NUP214: variants seen among roughly 807,000 people sequenced by gnomAD.
NUP214 encodes nucleoporin 214.
In NUP214, 79 loss-of-function variants were observed where a neutral mutation model predicts 196.2. The observed-to-expected ratio is 0.40, with a 90% CI of 0.34 to 0.49. NUP214 has a LOEUF of 0.49. NUP214 is among the 20% of genes least tolerant of loss of function. The pLI, the probability that NUP214 is intolerant of heterozygous loss-of-function variation, is 0.58. For synonymous variants in NUP214, 1,020 were observed against 990.5 expected (o/e 1.03, Z -0.56); for missense variants, 2,468 against 2,539.0 (o/e 0.97, Z 0.60).
At chr9:131,215,714 G>A (rs555682602) in intron 31 of NUP214, among the ~76,000 whole-genome samples, 45 of 152,196 alleles carry the variant, frequency 3.0e-4, no homozygotes, top group African/African-American at 1.1e-3. Flanking sequence ...AGCAGAGCAA[G>A]CCGAGGATGC....
intron 21 of NUP214, chr9:131,167,424 A>G (rs1243824617): frequency 6.6e-6 from 1 of 152,214 alleles, no homozygotes; most frequent in Non-Finnish European, 1.5e-5. Flanking sequence ...TATAGCTATT[A>G]CAGAAAAGGT....
chr9:131,195,717 A>C (rs1833754426), intron 28 of NUP214: 1 of 164,668 alleles, frequency 6.1e-6, no homozygotes, highest in Admixed American at 6.4e-5. Context: ...CACTCATCCC[A>C]TGCATGTTGT....
intron 17 of NUP214, among the ~76,000 whole-genome samples, chr9:131,155,035 G>C (rs866074307): frequency 6.6e-6 from 1 of 152,188 alleles, no homozygotes; most frequent in Non-Finnish European, 1.5e-5. Context: ...GGATCAAATG[G>C]TAGGTACTTT....
At chr9:131,189,830 G>C (rs1833550061) in intron 26 of NUP214, 1 of 152,482 alleles carries the variant, frequency 6.6e-6, no homozygotes, top group Non-Finnish European at 1.5e-5. Flanking sequence ...AATTTGGCGT[G>C]TATTACTTCC....
intron 31 of NUP214, among the ~76,000 whole-genome samples, chr9:131,217,168 C>T (rs3808808): frequency 1.3e-5 from 2 of 152,190 alleles, no homozygotes; most frequent in Non-Finnish European, 2.9e-5. Flanking sequence ...GGCAACACAG[C>T]AAGTCCCCAT....
intron 29 of NUP214, among the ~76,000 whole-genome samples, chr9:131,200,762 C>G (rs1833918579): frequency 6.6e-6 from 1 of 151,418 alleles, no homozygotes; most frequent in African/African-American, 2.4e-5. Context: ...CACTCCTTGT[C>G]TGGAGCTCTT....
At chr9:131,162,377 GA>G in intron 18 of NUP214, among the ~76,000 whole-genome samples, 1 of 152,136 alleles carries the variant, frequency 6.6e-6, no homozygotes, top group Non-Finnish European at 1.5e-5. Context: ...AATGCAGTCA[GA>G]AAAAAATTTC....
rs1021262444 is a variant in NUP214, at chr9:131,159,389, C to A, written c.2443C>A (p.Arg815=). The stretch of plus-strand genomic sequence containing the variant: ...TTTAATTTTTTTCTTATAGGAAATT[C>A]GGCGCCTTCATCAGTATGTGAAATT... ...PKSEAQLQEI[R]RLHQYVKFAV... The change falls in exon 18 of 36, where the codon CGG becomes AGG. Residue 815 remains arginine, a synonymous_variant. Coordinates refer to ENST00000359428, the MANE Select transcript of NUP214 (RefSeq NM_005085.4). The A allele has an allele frequency of 4.3e-6, 7 of 1,611,654 alleles. No homozygotes were observed. The South Asian group carries it at 7.7e-5, about 18-fold the overall frequency.
rs980969248 is a variant in NUP214 at position 131,232,014 on chromosome 9, C to T, written c.6215-270C>T. On this transcript the variant is annotated intron_variant, in intron 34 of 35. Coordinates refer to ENST00000359428, the MANE Select transcript of NUP214 (RefSeq NM_005085.4). This position sits in a 1 kb window ranked among gnomAD's most constrained non-coding sequence, Gnocchi z 5.1. ...GAGACCCTCTGCCTACAGCTGGGGC[C>T]GAGGAGGGAGGAAGAACCCTAAAAT... Among the ~76,000 whole-genome samples, 22 of 151,742 alleles carry T rather than the reference C, an allele frequency of 1.4e-4. No homozygotes were observed. The highest frequency in any genetic ancestry group is 5.1e-4 in the African/African-American group (21 of 41,276).
At position 131,140,598 on chromosome 9, in the gene NUP214, A is replaced by T. The variant is rs375220947; in HGVS notation, c.1182A>T (p.Thr394=). The T allele has an allele frequency of 2.5e-6, 4 of 1,613,838 alleles. No homozygotes were observed. The highest frequency in any genetic ancestry group is 3.4e-6 in the Non-Finnish European group (4 of 1,179,892). ...PPAPVLMLLS[T]DGVLCPFYMI... Reference sequence around the variant, plus strand: ...CTCCAGTTCTCATGTTACTTTCAACAGATGGTGTGCTTTGTCCATTTTATA... The same window carrying T: ...CTCCAGTTCTCATGTTACTTTCAACTGATGGTGTGCTTTGTCCATTTTATA... Residue 394 remains threonine (T), a synonymous_variant, in exon 11 of 36, where the codon ACA becomes ACT. Coordinates refer to ENST00000359428, the MANE Select transcript of NUP214 (RefSeq NM_005085.4).
chr9:131,215,536 GT>G (rs1217412901), intron 31 of NUP214, among the ~76,000 whole-genome samples, 168 bp downstream of exon 31: 1 of 151,862 alleles, frequency 6.6e-6, no homozygotes, highest in Non-Finnish European at 1.5e-5. Flanking sequence ...TTTATTTTTG[GT>G]TTTTTAATGA....
intron 21 of NUP214, among the ~76,000 whole-genome samples, chr9:131,173,273 G>T (rs1833008058): frequency 6.6e-6 from 1 of 151,304 alleles, no homozygotes; most frequent in African/African-American, 2.4e-5. Context: ...TGCCAGGCTG[G>T]TCTTGAACTC....
Position 131,198,281 on chromosome 9 carries a change from T to C in NUP214, c.4787T>C (p.Val1596Ala). ...SSFSVPGQTA[V>A]TAAAISSAGP... The stretch of plus-strand genomic sequence containing the variant: ...TTTTCTGTGCCTGGGCAGACTGCTG[T>C]CACAGCAGCTGCTATCTCAAGTGCA... The change falls in exon 29 of 36, where the codon GTC becomes GCC. Residue 1596 changes from valine (V) to alanine (A), a missense_variant. Val to Ala is a moderately conservative substitution (Grantham distance 64, BLOSUM62 0). Around this residue, in one of 5 missense-constraint regions of NUP214, gnomAD observed 1,801 missense variants for 1,779.4 expected, o/e 1.01. Transcript: ENST00000359428. The C allele has an allele frequency of 6.2e-7, 1 of 1,614,206 alleles. No individual in the cohort carries two copies. Among genetic ancestry groups the C allele is most frequent in the Non-Finnish European group, 8.5e-7 (1 of 1,180,044 alleles).
chr9:131,125,844 T>C lies in NUP214; in HGVS notation c.45+95T>C. ...GAAGCGCGGTGCTGGCTGTCCCGCCTCCTGCTTGAACAGTTTACCGCGTTC... is the reference window on the plus strand; with the variant it reads ...GAAGCGCGGTGCTGGCTGTCCCGCCCCCTGCTTGAACAGTTTACCGCGTTC... On this transcript the variant is annotated intron_variant, in intron 1 of 35. Coordinates refer to ENST00000359428, the MANE Select transcript of NUP214 (RefSeq NM_005085.4). This position sits in a 1 kb window ranked among gnomAD's most constrained non-coding sequence, Gnocchi z 4.1. The C allele has an allele frequency of 7.0e-7, 1 of 1,423,624 alleles. No individual in the cohort carries two copies. The highest frequency in any genetic ancestry group is 9.7e-7 in the Non-Finnish European group (1 of 1,035,904). 88.2% of individuals were successfully genotyped at this position (1,423,624 alleles called of 1,614,324 possible).
chr9:131,129,160 T>A (rs1257509629), intron 3 of NUP214, 119 bp from the exon 4 acceptor site: 2 of 826,756 alleles, frequency 2.4e-6, no homozygotes, highest in Non-Finnish European at 3.8e-6. Context: ...TTTATGGTTA[T>A]GGAGAAAAAT....
chr9:131,128,347 G>C lies in NUP214; in HGVS notation c.257G>C (p.Gly86Ala). The C allele has an allele frequency of 1.2e-6, 2 of 1,612,174 alleles. No homozygotes were observed. Among genetic ancestry groups the C allele is most frequent in the Non-Finnish European group, 1.7e-6 (2 of 1,178,916 alleles). ...GTTTTCATAGTTGATAAAGTCCAAG[G>C]CTTGCTAGTTCCTATGAAATTCCCA... ...DPNKIVDKVQ[G>A]LLVPMKFPIH... Residue 86 changes from glycine to alanine, a missense_variant, in exon 3 of 36, where the codon GGC becomes GCC. Around this residue, in one of 5 missense-constraint regions of NUP214, gnomAD observed 392 missense variants for 417.9 expected, o/e 0.94. Transcript: ENST00000359428.
At chr9:131,159,933 T>C (rs1832580938) in intron 18 of NUP214, among the ~76,000 whole-genome samples, 1 of 151,944 alleles carries the variant, frequency 6.6e-6, no homozygotes, top group Admixed American at 6.6e-5. Flanking sequence ...ACTTGAAATA[T>C]TTTTCTATAG....
chr9:131,204,612 A>G (rs1834029862), intron 30 of NUP214, among the ~76,000 whole-genome samples: 2 of 152,214 alleles, frequency 1.3e-5, no homozygotes, highest in Admixed American at 6.5e-5. Flanking sequence ...ACCTAACTAG[A>G]AGGTAGGTTA....
At chr9:131,145,608 T>A (rs1320484241) in intron 12 of NUP214, among the ~76,000 whole-genome samples, 1 of 152,134 alleles carries the variant, frequency 6.6e-6, no homozygotes, top group Non-Finnish European at 1.5e-5. Context: ...AATGCTGGAG[T>A]TTAGATTGTC....
Sources: gnomAD v4.1 joint callset for allele counts (sites outside exome capture counted in the v4.1 genomes callset) on GRCh38, gnomAD v4.1.1 for gene constraint, gnomAD v4.1.1 regional missense constraint, Gnocchi (gnomAD v3.1) non-coding constraint, MANE v1.5 for transcripts, NCBI Gene and HGNC (gene_info 2026-07-23, HGNC 2026-07-21) for gene names.